The following COL4A4 variants were observed in gnomAD, a reference collection of about 807,000 sequenced individuals.
COL4A4 encodes the protein collagen alpha-4(IV) chain.
COL4A4 carries 105 observed loss-of-function variants against 192.9 expected under a neutral mutation model. The observed-to-expected ratio is 0.54, with a 90% CI of 0.46 to 0.64. The LOEUF (loss-of-function observed/expected upper bound fraction) is 0.64, where lower values mean the gene tolerates loss of function less well. Among genes scored for constraint, COL4A4 ranks in the 30% least tolerant of loss-of-function variants. The probability of loss-of-function intolerance (pLI) is 0.00; values close to 1 mark genes in which losing one functional copy is unlikely to be tolerated. For synonymous variants in COL4A4, 762 were observed against 769.9 expected (o/e 0.99, Z 0.17); for missense variants, 1,967 against 2,169.3 (o/e 0.91, Z 1.85).
At position 227,080,499 on chromosome 2, in the gene COL4A4, G is replaced by A. The variant is rs1332310606; in HGVS notation, c.1747C>T (p.Pro583Ser). Residue 583 changes from proline (P) to serine (S), a missense_variant, in exon 24 of 48, where the codon CCA (proline) becomes TCA (serine). Transcript: ENST00000396625. ...PDGPPGFPGQ[P>S]GSHGRDGHAG... ...TGTCCATCCCGACCATGTGATCCTG[G>A]CTGCCCTGGAAATCCTGGGGGCCCA... The A allele has an allele frequency of 6.2e-7, 1 of 1,613,970 alleles. No individual in the cohort carries two copies. Among genetic ancestry groups the A allele is most frequent in the African/African-American group, 1.3e-5 (1 of 74,906 alleles).
At chr2:227,105,124 T>G (rs2060764534) in intron 12 of COL4A4, among the ~76,000 whole-genome samples, 2 of 151,566 alleles carry the variant, frequency 1.3e-5, no homozygotes, top group South Asian at 4.1e-4. Context: ...TAAATAATTT[T>G]ATATTTTTCT....
chr2:226,985,645 T>C, the COL4A4 span, among the ~76,000 whole-genome samples: 110 of 152,360 alleles, frequency 7.2e-4, no homozygotes, highest in East Asian at 8.9e-3. Context: ...GGGAGCTCAT[T>C]AAAACTACAG....
the COL4A4 span, among the ~76,000 whole-genome samples, chr2:226,978,377 G>C: frequency 2.0e-5 from 3 of 152,150 alleles, no homozygotes; most frequent in African/African-American, 4.8e-5. Flanking sequence ...GGATGGTAAA[G>C]GGAAACATGT....
At chr2:227,085,278 A>C (rs1193796788) in intron 22 of COL4A4, among the ~76,000 whole-genome samples, 3 of 152,158 alleles carry the variant, frequency 2.0e-5, no homozygotes, top group Admixed American at 2.0e-4. Flanking sequence ...GTGGGTAGGC[A>C]TGGGGGGAAT....
At chr2:227,147,755 A>C (rs1433155921) in intron 1 of COL4A4, among the ~76,000 whole-genome samples, 171 bp from the exon 2 acceptor site, 2 of 151,534 alleles carry the variant, frequency 1.3e-5, no homozygotes, top group Non-Finnish European at 2.9e-5. Context: ...GAAATAAAAA[A>C]TCTTCAAACC....
At chr2:227,017,290 C>T (rs4234065) in intron 44 of COL4A4, among the ~76,000 whole-genome samples, 73,105 of 152,034 alleles carry the variant, frequency 0.48, 17,976 homozygotes, top group African/African-American at 0.58. Context: ...AATTGTCAGG[C>T]GGAAGACATT....
At chr2:227,065,480 T>C (rs1018376596) in intron 25 of COL4A4, among the ~76,000 whole-genome samples, 3 of 152,196 alleles carry the variant, frequency 2.0e-5, no homozygotes, top group African/African-American at 4.8e-5. Context: ...AATGTCCCTG[T>C]CTGACAGCTT....
At chr2:227,096,327 A>G (rs1399335046) in intron 19 of COL4A4, among the ~76,000 whole-genome samples, 1 of 152,208 alleles carries the variant, frequency 6.6e-6, no homozygotes, top group African/African-American at 2.4e-5. Flanking sequence ...AACTGCAGAA[A>G]GAGTGAGAGG....
chr2:226,995,615 C>CA, the COL4A4 span: 1 of 903,838 alleles, frequency 1.1e-6, no homozygotes, highest in Non-Finnish European at 1.8e-6. Flanking sequence ...TCATTTTAAA[C>CA]AAAAGCAGAG....
At chr2:227,105,188 A>ATT (rs36065792) in intron 12 of COL4A4, among the ~76,000 whole-genome samples, 2,444 of 104,054 alleles carry the variant, frequency 0.023, 212 homozygotes, top group African/African-American at 0.048. Context: ...CAGGATCCTG[A>ATT]TTTTTTTTTT....
the COL4A4 span, among the ~76,000 whole-genome samples, chr2:226,982,646 G>A: frequency 3.9e-5 from 6 of 152,200 alleles, 1 homozygote; most frequent in South Asian, 4.1e-4. Flanking sequence ...AAGTATATGA[G>A]TTTGTAGCCC....
At chr2:227,129,418 T>C (rs1397040818) in intron 4 of COL4A4, among the ~76,000 whole-genome samples, 1 of 151,342 alleles carries the variant, frequency 6.6e-6, no homozygotes, top group African/African-American at 2.4e-5. Flanking sequence ...ATACTTTTTT[T>C]TTTTTTTTTG....
intron 40 of COL4A4, among the ~76,000 whole-genome samples, chr2:227,031,308 TTATG>T: frequency 6.6e-6 from 1 of 152,152 alleles, no homozygotes; most frequent in South Asian, 2.1e-4. Flanking sequence ...GCATGTGTCT[TTATG>T]GAAGAGTTCT....
the COL4A4 span, among the ~76,000 whole-genome samples, chr2:226,975,843 G>A: frequency 1.3e-5 from 2 of 152,090 alleles, no homozygotes; most frequent in Non-Finnish European, 2.9e-5. Context: ...AGATTTCATT[G>A]TCACCAATAG....
In COL4A4 at chr2:227,082,158, G is replaced by A; in HGVS notation, c.1653C>T (p.Gly551=). The change falls in exon 23 of 48, where the codon GGC becomes GGT. Residue 551 remains glycine, a synonymous_variant. Transcript: ENST00000396625. The stretch of plus-strand genomic sequence containing the variant: ...CCATGTCACCCTTCGCCCCTTTGTT[G>A]CCAGGTGGTCCAGAGGCACCATGCT... ...PGKHGASGPP[G]NKGAKGDMVV... 2.5e-6 allele frequency: 4 copies of A among 1,614,092 alleles called. No individual in the cohort carries two copies. The highest frequency in any genetic ancestry group is 3.4e-6 in the Non-Finnish European group (4 of 1,179,994).
At chr2:227,089,612 T>TATATATATATATATATATATAC (rs1383778504) in intron 21 of COL4A4, among the ~76,000 whole-genome samples, 22 of 141,858 alleles carry the variant, frequency 1.6e-4, no homozygotes, top group Middle Eastern at 3.6e-3. Context: ...TATATATACA[T>TATATATATATATATATATATAC]ACATATATAT....
At chr2:227,069,314 T>C (rs1367992871) in intron 25 of COL4A4, among the ~76,000 whole-genome samples, 57 of 152,130 alleles carry the variant, frequency 3.7e-4, no homozygotes, top group East Asian at 3.9e-4. Context: ...ACAGATTCAA[T>C]GCCATCCCCA....
At chr2:227,163,211 C>T (rs2064993435) in intron 1 of COL4A4, among the ~76,000 whole-genome samples, 1 of 152,192 alleles carries the variant, frequency 6.6e-6, no homozygotes, top group African/African-American at 2.4e-5. Flanking sequence ...ACATGTCCTT[C>T]CCTTATGAGC....
At chr2:227,073,886 T>TA (rs2150423544) in intron 25 of COL4A4, among the ~76,000 whole-genome samples, 1 of 152,166 alleles carries the variant, frequency 6.6e-6, no homozygotes, top group South Asian at 2.1e-4. Flanking sequence ...TCTCACCTTA[T>TA]ACAAAAATCA....
Sources: gnomAD v4.1 joint callset for allele counts (sites outside exome capture counted in the v4.1 genomes callset) on GRCh38, gnomAD v4.1.1 for gene constraint, MANE v1.5 for transcripts, NCBI Gene and HGNC (gene_info 2026-07-23, HGNC 2026-07-21) for gene names.